Variants in PBRM1 observed in about 807,000 individuals in gnomAD.
PBRM1 encodes the protein polybromo 1.
A neutral mutation model predicts 194.5 loss-of-function variants in PBRM1; 27 were observed. That is an observed-to-expected ratio of 0.14 (90% confidence interval 0.10 to 0.19). The LOEUF (loss-of-function observed/expected upper bound fraction) is 0.19, where lower values mean the gene tolerates loss of function less well. PBRM1 is among the 10% of genes least tolerant of loss of function. The probability of loss-of-function intolerance (pLI) is 1.00; values close to 1 mark genes in which losing one functional copy is unlikely to be tolerated. For missense variants in PBRM1, 1,466 were observed against 2,077.2 expected (o/e 0.71, Z 5.72); for synonymous variants, 655 against 693.2 (o/e 0.94, Z 0.87).
chr3:52,554,247 TGAG>T (rs1425641739), intron 27 of PBRM1, among the ~76,000 whole-genome samples: 1 of 152,150 alleles, frequency 6.6e-6, no homozygotes, highest in African/African-American at 2.4e-5. Context: ...AAAGGCTGCT[TGAG>T]GAGAAGTAGG....
chr3:52,685,338 C>T (rs1324849996), intron 1 of PBRM1: 1 of 151,854 alleles, frequency 6.6e-6, no homozygotes, highest in African/African-American at 2.4e-5. Context: ...GGAAAAAATA[C>T]GGAAAGAAAA....
chr3:52,666,388 T>C (rs1267910593), intron 3 of PBRM1, among the ~76,000 whole-genome samples: 1 of 151,816 alleles, frequency 6.6e-6, no homozygotes, highest in Non-Finnish European at 1.5e-5. Flanking sequence ...ATACAAAAAT[T>C]AGCCAGGCAT....
At chr3:52,641,839 A>G in intron 10 of PBRM1, 115 bp downstream of exon 11, 1 of 764,740 alleles carries the variant, frequency 1.3e-6, no homozygotes, top group Non-Finnish European at 2.4e-6. Flanking sequence ...AATGCAATAA[A>G]ATAGCATGTA....
chr3:52,580,459 C>T (rs1335150881), intron 20 of PBRM1, among the ~76,000 whole-genome samples: 2 of 152,120 alleles, frequency 1.3e-5, no homozygotes, highest in Admixed American at 6.5e-5. Context: ...CCCGGGTTCA[C>T]GCCATTCTCC....
At chr3:52,661,488 G>A (rs2096723836) in intron 4 of PBRM1, among the ~76,000 whole-genome samples, 2 of 152,138 alleles carry the variant, frequency 1.3e-5, no homozygotes, top group Admixed American at 1.3e-4. Flanking sequence ...TTCACATATA[G>A]TGACATTATA....
intron 11 of PBRM1, among the ~76,000 whole-genome samples, chr3:52,630,696 G>C (rs979656895): frequency 3.9e-5 from 6 of 152,160 alleles, no homozygotes; most frequent in Admixed American, 2.6e-4. Context: ...CAGAACTTTA[G>C]TGTGCTGGGC....
rs527554853 is a variant in PBRM1 at position 52,667,842 on chromosome 3, T to A, written c.384+656A>T. Among the ~76,000 whole-genome samples the A allele has an allele frequency of 2.5e-4, 38 of 150,694 alleles. No homozygotes were observed. In the South Asian group the frequency reaches 6.7e-3, roughly 27 times the overall value. On this transcript the variant is annotated intron_variant, in intron 3 of 29. Coordinates refer to ENST00000296302, the Ensembl canonical transcript of PBRM1. ...CATGAGGCTGAGGCAGGAGGATCAC[T>A]TGAGGCCAGGAGTTTGAGACCAGCC...
At chr3:52,563,397 A>G (rs2084192888) in exon 24 of PBRM1, 1 of 1,613,852 alleles carries the variant, frequency 6.2e-7, no homozygotes, top group African/African-American at 1.3e-5. Context: ...CTTCAATATC[A>G]TCATCTCCAC....
chr3:52,683,266 T>C (rs6445531), upstream of PBRM1, among the ~76,000 whole-genome samples: 68,704 of 151,034 alleles, frequency 0.45, 15,962 homozygotes, highest in Admixed American at 0.52. Flanking sequence ...CCCAGTTACT[T>C]GGGAGGCTGA....
exon 2 of PBRM1, chr3:52,678,592 G>A (rs140861034): frequency 1.4e-4 from 222 of 1,597,722 alleles, no homozygotes; most frequent in South Asian, 2.9e-4. Flanking sequence ...CATGGCACAC[G>A]GCAATCTACA....
intron 26 of PBRM1, among the ~76,000 whole-genome samples, chr3:52,555,698 C>T (rs983998827): frequency 6.6e-6 from 1 of 152,140 alleles, no homozygotes; most frequent in African/African-American, 2.4e-5. Context: ...TAAACCTTAA[C>T]AGGGAGCATT....
intron 20 of PBRM1, among the ~76,000 whole-genome samples, chr3:52,585,103 T>C (rs1164756523): frequency 6.6e-6 from 1 of 152,252 alleles, no homozygotes; most frequent in East Asian, 1.9e-4. Flanking sequence ...GGTCATGTTG[T>C]TCTCAAAGAA....
At chr3:52,662,352 G>A in intron 3 of PBRM1, 76 bp from the exon 5 acceptor site, 1 of 1,319,878 alleles carries the variant, frequency 7.6e-7, no homozygotes, top group South Asian at 1.4e-5. Flanking sequence ...TAAAGCACCT[G>A]TTTCAGCAAA....
chr3:52,612,147 C>A (rs932749790), intron 15 of PBRM1, among the ~76,000 whole-genome samples: 1 of 150,362 alleles, frequency 6.7e-6, no homozygotes, highest in African/African-American at 2.5e-5. Flanking sequence ...GTAGTCCCAG[C>A]TACTTGGGAG....
intron 10 of PBRM1, among the ~76,000 whole-genome samples, chr3:52,640,397 A>G (rs1484420237): frequency 6.7e-6 from 1 of 150,274 alleles, no homozygotes; most frequent in Non-Finnish European, 1.5e-5. Flanking sequence ...CAGCCTCCCA[A>G]GTAGCTGGGA....
intron 25 of PBRM1, among the ~76,000 whole-genome samples, chr3:52,561,380 A>G (rs1020956909): frequency 6.6e-6 from 1 of 152,236 alleles, no homozygotes; most frequent in Non-Finnish European, 1.5e-5. Context: ...GCTGTAACAC[A>G]AGATCACTGA....
At chr3:52,615,204 T>G in intron 15 of PBRM1, 147 bp downstream of exon 17, 21 of 545,912 alleles carry the variant, frequency 3.8e-5, no homozygotes, top group East Asian at 8.6e-5. Flanking sequence ...ATACAGTAAA[T>G]GAGAGGGCTT....
intron 13 of PBRM1, 38 bp from the exon 16 acceptor site, chr3:52,617,576 T>C: frequency 1.3e-6 from 2 of 1,496,370 alleles, no homozygotes; most frequent in Non-Finnish European, 1.8e-6. Flanking sequence ...AAAATTAGAA[T>C]AGGTTCAGTT....
At chr3:52,635,226 C>T (rs2153651651) in intron 10 of PBRM1, among the ~76,000 whole-genome samples, 1 of 151,920 alleles carries the variant, frequency 6.6e-6, no homozygotes, top group South Asian at 2.1e-4. Flanking sequence ...CACGCCTGGC[C>T]CTTTTTTAAA....
Sources: gnomAD v4.1 joint callset for allele counts (sites outside exome capture counted in the v4.1 genomes callset) on GRCh38, gnomAD v4.1.1 for gene constraint, MANE v1.5 for transcripts, NCBI Gene and HGNC (gene_info 2026-07-23, HGNC 2026-07-21) for gene names.